The following SLC71A1 variants were observed in gnomAD, a reference collection of about 807,000 sequenced individuals.
SLC71A1 encodes the protein solute carrier family 71 member 1, also known as hippocampus abundant gene transcript 1.
At chr1:100,081,907 G>A in the SLC71A1 span, 2 of 899,298 alleles carry the variant, frequency 2.2e-6, no homozygotes, top group Non-Finnish European at 3.5e-6. Flanking sequence ...AGAGCAATTA[G>A]CTTGTAATTC....
At chr1:100,064,737 T>C in the SLC71A1 span, among the ~76,000 whole-genome samples, 14 of 151,984 alleles carry the variant, frequency 9.2e-5, no homozygotes, top group Non-Finnish European at 1.6e-4. Context: ...CTTTTTTTTT[T>C]TTTTGAGACA....
At chr1:100,074,068 G>GA in the SLC71A1 span, among the ~76,000 whole-genome samples, 1 of 152,160 alleles carries the variant, frequency 6.6e-6, no homozygotes, top group Non-Finnish European at 1.5e-5. Context: ...CCTTCAAGAA[G>GA]AAAATCAGTG....
the SLC71A1 span, among the ~76,000 whole-genome samples, chr1:100,041,055 C>T: frequency 6.6e-6 from 1 of 152,104 alleles, no homozygotes; most frequent in East Asian, 1.9e-4. Context: ...CGTTGTCCTG[C>T]TAATGACATA....
chr1:100,078,737 C>A, the SLC71A1 span: 1 of 496,304 alleles, frequency 2.0e-6, no homozygotes, highest in Non-Finnish European at 3.6e-6. Flanking sequence ...CCTTTTCTCT[C>A]ACTTAGAATA....
At chr1:100,066,608 T>TC in the SLC71A1 span, among the ~76,000 whole-genome samples, 1 of 152,076 alleles carries the variant, frequency 6.6e-6, no homozygotes, top group Non-Finnish European at 1.5e-5. Flanking sequence ...TAGACACCCC[T>TC]CCCCTAAGGA....
At chr1:100,073,785 A>G in the SLC71A1 span, among the ~76,000 whole-genome samples, 1 of 152,182 alleles carries the variant, frequency 6.6e-6, no homozygotes, top group Non-Finnish European at 1.5e-5. Flanking sequence ...AGCTGATGTT[A>G]GTGTTAGCTT....
chr1:100,082,450 A>G, the SLC71A1 span: 1 of 505,190 alleles, frequency 2.0e-6, no homozygotes, highest in East Asian at 3.6e-5. Context: ...CCACTAAGCT[A>G]TTTGTTTTAT....
the SLC71A1 span, among the ~76,000 whole-genome samples, chr1:100,038,973 C>T: frequency 2.0e-5 from 3 of 152,214 alleles, no homozygotes; most frequent in African/African-American, 7.2e-5. Flanking sequence ...GAAAAGTCAT[C>T]ACTGTGTGTC....
At chr1:100,066,716 A>G in the SLC71A1 span, among the ~76,000 whole-genome samples, 37,242 of 151,978 alleles carry the variant, frequency 0.25, 6,886 homozygotes, top group African/African-American at 0.52. Flanking sequence ...TAGGCCGGGC[A>G]TGGTGGCTCA....
At chr1:100,070,373 AGTTGAGTGAACAGTTGAG>A in the SLC71A1 span, among the ~76,000 whole-genome samples, 1 of 152,204 alleles carries the variant, frequency 6.6e-6, no homozygotes, top group Non-Finnish European at 1.5e-5. Context: ...GTGCGGCTCC[AGTTGAGTGAACAGTTGAG>A]AGCATCTTAG....
At chr1:100,063,974 C>T in the SLC71A1 span, among the ~76,000 whole-genome samples, 1 of 152,144 alleles carries the variant, frequency 6.6e-6, no homozygotes, top group East Asian at 1.9e-4. Context: ...TTCAGTGACC[C>T]TCATAGTGAG....
the SLC71A1 span, among the ~76,000 whole-genome samples, chr1:100,068,987 T>TTAAA: frequency 2.6e-3 from 399 of 152,032 alleles, 5 homozygotes; most frequent in African/African-American, 8.1e-3. Flanking sequence ...CGTCTCAAAA[T>TTAAA]TAAATAAATA....
the SLC71A1 span, among the ~76,000 whole-genome samples, chr1:100,057,354 TTTC>T: frequency 8.6e-5 from 12 of 138,760 alleles, no homozygotes; most frequent in Non-Finnish European, 1.1e-4. Context: ...TTCCTTTTTC[TTTC>T]TTTTTTTTTT....
chr1:100,039,750 A>AT, the SLC71A1 span, among the ~76,000 whole-genome samples: 71 of 152,360 alleles, frequency 4.7e-4, no homozygotes, highest in African/African-American at 1.7e-3. Context: ...GAAAGATTGT[A>AT]TTTTGTAAGA....
At chr1:100,058,810 T>C in the SLC71A1 span, 25 of 687,912 alleles carry the variant, frequency 3.6e-5, no homozygotes, top group Admixed American at 1.8e-4. Context: ...TAAATACATA[T>C]ATATAACTAT....
At chr1:100,063,265 A>AAAAAC in the SLC71A1 span, among the ~76,000 whole-genome samples, 11,566 of 151,466 alleles carry the variant, frequency 0.076, 549 homozygotes, top group Non-Finnish European at 0.1. Flanking sequence ...TGTTCTGGCA[A>AAAAAC]AAAACAAAAC....
chr1:100,069,828 TG>T, the SLC71A1 span: 2 of 646,914 alleles, frequency 3.1e-6, no homozygotes, highest in South Asian at 1.9e-5. Context: ...AATTTGTTTG[TG>T]TAGCTAGTGT....
At chr1:100,049,872 C>T in the SLC71A1 span, 2 of 1,122,038 alleles carry the variant, frequency 1.8e-6, no homozygotes, top group South Asian at 2.7e-5. Context: ...GTACTGTTAA[C>T]TTTTTTTAAC....
At chr1:100,058,016 T>A in the SLC71A1 span, 11 of 152,334 alleles carry the variant, frequency 7.2e-5, no homozygotes, top group East Asian at 1.9e-3. Context: ...TAGCTGCTGT[T>A]TATTTTTCCA....
Sources: allele counts gnomAD v4.1 joint callset (sites outside exome capture counted in the v4.1 genomes callset), GRCh38; gene constraint gnomAD v4.1.1; transcripts MANE v1.5; gene names NCBI Gene and HGNC (gene_info 2026-07-23, HGNC 2026-07-21).